The following NOMO1 variants were observed in gnomAD, a reference collection of about 807,000 sequenced individuals.
The protein encoded by NOMO1 is NODAL modulator 1.
A neutral mutation model predicts 133.8 loss-of-function variants in NOMO1; 40 were observed. The observed-to-expected ratio is 0.30, with a 90% CI of 0.23 to 0.39. NOMO1 has a LOEUF of 0.39. NOMO1 is among the 10% of genes least tolerant of loss of function. The pLI, the probability that NOMO1 is intolerant of heterozygous loss-of-function variation, is 1.00. For missense variants in NOMO1, 462 were observed against 1,419.9 expected, an observed-to-expected ratio of 0.33 and a Z score of 10.84; for synonymous variants, 236 against 570.5, an observed-to-expected ratio of 0.41 and a Z score of 8.36.
At position 14,866,694 on chromosome 16, in the gene NOMO1, A is replaced by G. The variant is rs1964001337; in HGVS notation, c.1806+3A>G. ...CCCTGTCTCACGCCATCACTCTGGT[A>G]TGTACGGCTTATTGAGTCTCTTATT... is the stretch of plus-strand genomic sequence containing the variant. On this transcript the variant is annotated splice_donor_region_variant and intron_variant, in intron 15 of 30. Transcript: ENST00000287667. The G allele has an allele frequency of 6.2e-7, 1 of 1,610,044 alleles. No individual in the cohort carries two copies. Among genetic ancestry groups the G allele is most frequent in the Non-Finnish European group, 8.5e-7 (1 of 1,179,700 alleles).
At chr16:14,843,715 TTGTGTGTGTGTG>T (rs59391735) in intron 3 of NOMO1, among the ~76,000 whole-genome samples, 1 of 125,930 alleles carries the variant, frequency 7.9e-6, no homozygotes, top group African/African-American at 3.0e-5. Context: ...ATTGGAGTCT[TTGTGTGTGTGTG>T]TGTGTGTGTG....
At chr16:14,839,227 T>C (rs1963568554) in intron 2 of NOMO1, among the ~76,000 whole-genome samples, 1 of 151,808 alleles carries the variant, frequency 6.6e-6, no homozygotes, top group East Asian at 1.9e-4. Flanking sequence ...GCTAATGTTT[T>C]GTATTTTTAA....
chr16:14,842,103 A>T (rs1963612321), intron 3 of NOMO1, among the ~76,000 whole-genome samples: 3 of 152,016 alleles, frequency 2.0e-5, no homozygotes, highest in Non-Finnish European at 2.9e-5. Context: ...CTTCAAGCAT[A>T]GCTGGGGAGT....
chr16:14,889,917 TAGGG>T (rs1964383351), intron 29 of NOMO1, among the ~76,000 whole-genome samples: 1 of 150,902 alleles, frequency 6.6e-6, no homozygotes, highest in African/African-American at 2.5e-5. Flanking sequence ...TTACAGGAAA[TAGGG>T]AGGACCCAGG....
intron 16 of NOMO1, among the ~76,000 whole-genome samples, chr16:14,869,100 G>C (rs1383943633): frequency 6.6e-6 from 1 of 151,362 alleles, no homozygotes. Flanking sequence ...CACCACATCC[G>C]GCTAATTTTT....
At chr16:14,889,320 C>G (rs1597117269) in intron 29 of NOMO1, 105 bp downstream of exon 29, 2 of 1,607,598 alleles carry the variant, frequency 1.2e-6, no homozygotes, top group Non-Finnish European at 1.7e-6. Flanking sequence ...TCTCTTGAGC[C>G]CAGGAGTTTC....
chr16:14,883,304 C>T lies in NOMO1; in HGVS notation c.3111+627C>T, dbSNP rs1047621689. 3.3e-5 allele frequency among the ~76,000 whole-genome samples: 5 copies of T among 150,864 alleles called. 1 individual carries two copies. The highest frequency in any genetic ancestry group is 7.4e-5 in the Non-Finnish European group (5 of 67,846). ...ATGAAGATTGTGAGGGAGGATAGAA[C>T]TTTTGACCTAGGAAGTGGATTTTCT... On this transcript the variant is annotated intron_variant, in intron 26 of 30. Transcript: ENST00000287667.
chr16:14,857,101 G>A (rs1963850401), intron 9 of NOMO1, 116 bp from the exon 10 acceptor site: 1 of 1,306,162 alleles, frequency 7.7e-7, no homozygotes, highest in South Asian at 1.2e-5. Flanking sequence ...CTGAGTGTTG[G>A]GAGGTGGGCG....
chr16:14,857,745 G>T, intron 11 of NOMO1, 90 bp downstream of exon 11: 1 of 1,570,968 alleles, frequency 6.4e-7, no homozygotes, highest in Non-Finnish European at 8.7e-7. Flanking sequence ...TGTCTTTGCC[G>T]AGCTTAAGAA....
At chr16:14,892,184 G>A (rs1597118586) in intron 29 of NOMO1, among the ~76,000 whole-genome samples, 1 of 151,774 alleles carries the variant, frequency 6.6e-6, no homozygotes, top group East Asian at 1.9e-4. Context: ...TGCAGAGTTT[G>A]TAGTGAGCTA....
chr16:14,866,460 A>T, intron 14 of NOMO1, 95 bp from the exon 15 acceptor site: 1 of 1,607,098 alleles, frequency 6.2e-7, no homozygotes, highest in Non-Finnish European at 8.5e-7. Flanking sequence ...CCTGCTTTTT[A>T]AAATTGATTA....
In NOMO1 at chr16:14,864,492, G is replaced by A; in HGVS notation, c.1396-93G>A. ...ACCTTTGGCCTTCAAAATCTCTTTA[G>A]CCTTGGTCCCAGATGAATGTTCTAG... On this transcript the variant is annotated intron_variant, in intron 12 of 30. Transcript: ENST00000287667. The A allele has an allele frequency of 1.9e-6, 3 of 1,564,124 alleles. No homozygotes were observed. The South Asian group carries it at 3.6e-5, about 19-fold the overall frequency.
At position 14,876,749 on chromosome 16, in the gene NOMO1, G is replaced by A. The variant is rs146409679; in HGVS notation, c.2602G>A (p.Gly868Arg). Reference protein sequence around the residue: ...YVLTAVEGTIGDFKAYALAGV... With the variant: ...YVLTAVEGTIRDFKAYALAGV... The stretch of plus-strand genomic sequence containing the variant: ...TCTGACTGCGGTGGAAGGAACCATC[G>A]GAGACTTCAAGGCCTATGCCCTGGC... The change falls in exon 22 of 31, where the codon GGA becomes AGA. Residue 868 changes from glycine (G) to arginine (R), a missense_variant. Transcript: ENST00000287667. The A allele has an allele frequency of 3.8e-5, 62 of 1,610,646 alleles. No individual in the cohort carries two copies. The Admixed American group carries it at 5.7e-4, about 15-fold the overall frequency.
chr16:14,866,430 T>C, intron 14 of NOMO1, 125 bp from the exon 15 acceptor site: 1 of 1,567,926 alleles, frequency 6.4e-7, no homozygotes, highest in Non-Finnish European at 8.7e-7. Context: ...TATATTTCTA[T>C]CTTTATGTCT....
chr16:14,859,057 G>A (rs1175018722), intron 11 of NOMO1, among the ~76,000 whole-genome samples: 4 of 152,008 alleles, frequency 2.6e-5, no homozygotes, highest in South Asian at 2.1e-4. Flanking sequence ...AGATTTGGCC[G>A]CAGGTGGCAG....
chr16:14,841,039 G>C (rs1597091324), intron 2 of NOMO1, among the ~76,000 whole-genome samples: 1 of 150,876 alleles, frequency 6.6e-6, no homozygotes, highest in African/African-American at 2.4e-5. Flanking sequence ...GCATGTGAGG[G>C]CTTAATGGGA....
In NOMO1 at chr16:14,876,454, A is replaced by G. The variant is rs770067526; in HGVS notation, c.2452A>G (p.Ile818Val). 6.2e-7 allele frequency: 1 copy of G among 1,611,480 alleles called. No individual in the cohort carries two copies. Among genetic ancestry groups the G allele is most frequent in the Non-Finnish European group, 8.5e-7 (1 of 1,179,780 alleles). Residue 818 changes from isoleucine to valine, a missense_variant, in exon 21 of 31, where the codon ATC becomes GTC. By Grantham distance (29) the Ile-to-Val change is conservative. Coordinates refer to ENST00000287667, the MANE Select transcript of NOMO1 (RefSeq NM_014287.4). ...CGAGTTGGAAGGAGTCGAGATTGTC[A>G]TCAGTGAAAAGGGGGCAAGTTCACC... ...HPELEGVEIV[I>V]SEKGASSPLI...
At chr16:14,880,768 GAA>G (rs1964231118) in intron 24 of NOMO1, among the ~76,000 whole-genome samples, 1 of 151,922 alleles carries the variant, frequency 6.6e-6, no homozygotes, top group Non-Finnish European at 1.5e-5. Context: ...TCAAAATGCT[GAA>G]AAGAGTATAG....
intron 11 of NOMO1, among the ~76,000 whole-genome samples, chr16:14,860,998 G>A (rs898587237): frequency 7.0e-6 from 1 of 142,706 alleles, no homozygotes; most frequent in African/African-American, 2.7e-5. Context: ...GGGATTACAG[G>A]CTAATTTTTA....
Sources: allele counts gnomAD v4.1 joint callset (sites outside exome capture counted in the v4.1 genomes callset), GRCh38; gene constraint gnomAD v4.1.1; transcripts MANE v1.5; gene names NCBI Gene and HGNC (gene_info 2026-07-23, HGNC 2026-07-21).